Variants in PPARGC1A observed in about 807,000 individuals in gnomAD.
The protein encoded by PPARGC1A is PPARG coactivator 1 alpha, also known as peroxisome proliferator-activated receptor gamma coactivator 1-alpha.
In PPARGC1A, 25 loss-of-function variants were observed where a neutral mutation model predicts 88.7. The observed-to-expected ratio is 0.28, with a 90% CI of 0.21 to 0.39. PPARGC1A has a LOEUF of 0.39. Among genes scored for constraint, PPARGC1A ranks in the 10% least tolerant of loss-of-function variants. The pLI is 1.00. For missense variants in PPARGC1A, 880 were observed against 968.7 expected (o/e 0.91, Z 1.22); for synonymous variants, 363 against 355.6 (o/e 1.02, Z -0.24).
intron 3 of PPARGC1A, 114 bp downstream of exon 3, chr4:23,831,443 T>C: frequency 1.1e-6 from 1 of 941,142 alleles, no homozygotes; most frequent in Non-Finnish European, 1.6e-6. Flanking sequence ...TGGGGATTGC[T>C]TTGGCATCAT....
the PPARGC1A span, among the ~76,000 whole-genome samples, chr4:23,948,750 A>G: frequency 6.6e-6 from 1 of 152,196 alleles, no homozygotes; most frequent in African/African-American, 2.4e-5. Flanking sequence ...CATTTTTATG[A>G]TAAATTATAT....
the PPARGC1A span, among the ~76,000 whole-genome samples, chr4:23,993,542 A>T: frequency 6.6e-6 from 1 of 152,108 alleles, no homozygotes; most frequent in Non-Finnish European, 1.5e-5. Context: ...GGTCCTCAAA[A>T]TATTCTGTTC....
the PPARGC1A span, among the ~76,000 whole-genome samples, chr4:23,941,586 A>G: frequency 6.6e-6 from 1 of 152,186 alleles, no homozygotes; most frequent in Non-Finnish European, 1.5e-5. Context: ...ACATACACTC[A>G]TTTGGGAAAA....
chr4:23,882,504 T>C (rs902800924), intron 2 of PPARGC1A, among the ~76,000 whole-genome samples: 9 of 152,140 alleles, frequency 5.9e-5, no homozygotes, highest in African/African-American at 1.9e-4. Context: ...CTCTAGTCTC[T>C]ACTCAATAAA....
intron 2 of PPARGC1A, among the ~76,000 whole-genome samples, chr4:23,856,936 G>A (rs916487268): frequency 6.6e-6 from 1 of 151,992 alleles, no homozygotes; most frequent in African/African-American, 2.4e-5. Context: ...GAGCTATCCA[G>A]GAAGTTCAAG....
the PPARGC1A span, among the ~76,000 whole-genome samples, chr4:23,962,744 G>A: frequency 6.6e-6 from 1 of 152,132 alleles, no homozygotes; most frequent in Non-Finnish European, 1.5e-5. Context: ...ACCCAAGTAG[G>A]GAAGGTGATA....
At chr4:24,019,453 G>T in the PPARGC1A span, among the ~76,000 whole-genome samples, 2 of 152,078 alleles carry the variant, frequency 1.3e-5, no homozygotes, top group Non-Finnish European at 2.9e-5. Context: ...CCAAGACCTG[G>T]CTGAATTCCA....
chr4:24,334,138 A>G, the PPARGC1A span, among the ~76,000 whole-genome samples: 2 of 151,868 alleles, frequency 1.3e-5, no homozygotes, highest in Non-Finnish European at 2.9e-5. Flanking sequence ...TTCTAACAGG[A>G]ATTTTGTATT....
chr4:24,113,088 ACTTT>A, the PPARGC1A span, among the ~76,000 whole-genome samples: 108 of 152,314 alleles, frequency 7.1e-4, no homozygotes, highest in East Asian at 0.019. Flanking sequence ...CCAGGTACAC[ACTTT>A]CTTTCTTTAC....
At chr4:24,466,474 C>A in the PPARGC1A span, among the ~76,000 whole-genome samples, 1 of 152,148 alleles carries the variant, frequency 6.6e-6, no homozygotes, top group Admixed American at 6.5e-5. Flanking sequence ...AGACCTTAGG[C>A]AAGTCACTTA....
chr4:24,059,331 C>T, the PPARGC1A span, among the ~76,000 whole-genome samples: 1 of 152,158 alleles, frequency 6.6e-6, no homozygotes, highest in Admixed American at 6.5e-5. Context: ...CAATGCAAAT[C>T]CACCCAAAGT....
At chr4:23,856,194 A>G (rs1446917596) in intron 2 of PPARGC1A, among the ~76,000 whole-genome samples, 2 of 152,184 alleles carry the variant, frequency 1.3e-5, no homozygotes, top group Non-Finnish European at 2.9e-5. Flanking sequence ...GAATGTGCCA[A>G]CACAACCATA....
the PPARGC1A span, among the ~76,000 whole-genome samples, chr4:24,300,201 T>C: frequency 5.3e-5 from 8 of 152,138 alleles, no homozygotes; most frequent in Non-Finnish European, 1.0e-4. Flanking sequence ...TCACATTTTG[T>C]TCAATTTGCC....
the PPARGC1A span, among the ~76,000 whole-genome samples, chr4:23,942,920 A>C: frequency 6.6e-6 from 1 of 152,212 alleles, no homozygotes; most frequent in Non-Finnish European, 1.5e-5. Flanking sequence ...CTCAGCACAA[A>C]AAGTCATGTA....
chr4:24,409,521 A>C, the PPARGC1A span, among the ~76,000 whole-genome samples: 1 of 152,238 alleles, frequency 6.6e-6, no homozygotes, highest in Non-Finnish European at 1.5e-5. Flanking sequence ...CACAGATACT[A>C]GTGTTGCAAG....
the PPARGC1A span, among the ~76,000 whole-genome samples, chr4:24,182,972 G>C: frequency 1.3e-5 from 2 of 152,154 alleles, no homozygotes; most frequent in Admixed American, 6.5e-5. Context: ...TTCCATCCCA[G>C]TGTCGGGGGA....
At chr4:24,146,979 C>A in the PPARGC1A span, among the ~76,000 whole-genome samples, 1 of 152,162 alleles carries the variant, frequency 6.6e-6, no homozygotes, top group African/African-American at 2.4e-5. Context: ...ATCACTATAG[C>A]CCCCATGCCT....
the PPARGC1A span, among the ~76,000 whole-genome samples, chr4:24,145,796 C>T: frequency 6.6e-6 from 1 of 152,202 alleles, no homozygotes; most frequent in African/African-American, 2.4e-5. Flanking sequence ...GTTTATACTT[C>T]TGCCATCAAC....
At chr4:24,472,197 G>A in the PPARGC1A span, among the ~76,000 whole-genome samples, 43 of 152,284 alleles carry the variant, frequency 2.8e-4, no homozygotes, top group African/African-American at 9.4e-4. The surrounding 1 kb of genome is among the most constrained non-coding windows in gnomAD (Gnocchi z 4.5). Context: ...GAAAGCTAGC[G>A]ATGGGGGAAG....
Sources: gnomAD v4.1 joint callset for allele counts (sites outside exome capture counted in the v4.1 genomes callset) on GRCh38, gnomAD v4.1.1 for gene constraint, Gnocchi (gnomAD v3.1) non-coding constraint, MANE v1.5 for transcripts, NCBI Gene and HGNC (gene_info 2026-07-23, HGNC 2026-07-21) for gene names.